Variants in DCLK1 observed in about 807,000 individuals in gnomAD.
DCLK1 encodes doublecortin like kinase 1.
A neutral mutation model predicts 86.2 loss-of-function variants in DCLK1; 16 were observed. The observed-to-expected ratio is 0.19, with a 90% confidence interval of 0.13 to 0.28. The LOEUF is 0.28. Among genes scored for constraint, DCLK1 ranks in the 10% least tolerant of loss-of-function variants. The probability of loss-of-function intolerance (pLI) is 1.00; values close to 1 mark genes in which losing one functional copy is unlikely to be tolerated. For missense variants in DCLK1, 590 were observed against 940.2 expected (o/e 0.63, Z 4.87); for synonymous variants, 369 against 370.5 (o/e 1.00, Z 0.05).
rs185868075 is a variant in DCLK1, at chr13:35,808,510, C to A, written c.1767-190G>T. On this transcript the variant is annotated intron_variant, in intron 13 of 16. Transcript: ENST00000360631. ...TAAGAAAGAGTTTTTGGGCCGGGTG[C>A]GGCGGCTCACACCTGTATTCCCAGC... 4.6e-5 allele frequency among the ~76,000 whole-genome samples: 7 copies of A among 152,286 alleles called. No homozygotes were observed. In the South Asian group the frequency reaches 1.2e-3, roughly 27 times the overall value.
chr13:35,937,804 T>C (rs1015285179), intron 4 of DCLK1, among the ~76,000 whole-genome samples: 4 of 152,082 alleles, frequency 2.6e-5, no homozygotes, highest in African/African-American at 9.7e-5. Flanking sequence ...AATGATCAGG[T>C]TGAAGAAGTG....
At chr13:35,956,017 C>T (rs545961428) in intron 3 of DCLK1, among the ~76,000 whole-genome samples, 1 of 152,284 alleles carries the variant, frequency 6.6e-6, no homozygotes, top group East Asian at 1.9e-4. Flanking sequence ...CACATCAGTC[C>T]TATTCCTCTG....
intron 7 of DCLK1, among the ~76,000 whole-genome samples, chr13:35,836,665 C>G (rs975956937): frequency 3.9e-5 from 6 of 152,192 alleles, no homozygotes; most frequent in Non-Finnish European, 2.9e-5. Context: ...GGCCACCCGT[C>G]CTCGGTATCA....
chr13:36,092,168 C>T (rs1401434477), intron 3 of DCLK1, among the ~76,000 whole-genome samples: 3 of 151,812 alleles, frequency 2.0e-5, no homozygotes, highest in Non-Finnish European at 2.9e-5. Context: ...TTTTTCTGAC[C>T]GGAAGACAAC....
intron 6 of DCLK1, chr13:35,849,208 G>T: frequency 7.1e-6 from 7 of 985,308 alleles, no homozygotes; most frequent in Non-Finnish European, 8.4e-6. Flanking sequence ...AAGTGAGATG[G>T]TAACATACGT....
At chr13:35,922,967 G>A (rs1021048504) in intron 4 of DCLK1, among the ~76,000 whole-genome samples, 3 of 152,134 alleles carry the variant, frequency 2.0e-5, no homozygotes, top group South Asian at 2.1e-4. Context: ...GCTGCCTCAT[G>A]GGAACGATGC....
intron 16 of DCLK1, among the ~76,000 whole-genome samples, chr13:35,782,685 T>C (rs2086549436): frequency 6.6e-6 from 1 of 152,218 alleles, no homozygotes. Context: ...GTTCAATCAT[T>C]TATTTGTTAA....
chr13:35,882,817 G>A (rs182096149), intron 4 of DCLK1, among the ~76,000 whole-genome samples: 22 of 152,316 alleles, frequency 1.4e-4, no homozygotes, highest in Admixed American at 1.4e-3. Context: ...GGATACTGTA[G>A]TGTATCAGTT....
intron 10 of DCLK1, among the ~76,000 whole-genome samples, chr13:35,826,523 CAAAAAAAAAAA>C (rs533243711): frequency 5.0e-5 from 1 of 19,824 alleles, no homozygotes; most frequent in African/African-American, 1.3e-4. Context: ...AACTCCATCT[CAAAAAAAAAAA>C]AAAAAAAAGA....
intron 11 of DCLK1, among the ~76,000 whole-genome samples, chr13:35,821,571 G>A (rs545348574): frequency 1.2e-4 from 18 of 151,930 alleles, no homozygotes; most frequent in South Asian, 2.1e-4. Flanking sequence ...CTGAAGAGAC[G>A]GGCAAAGTAA....
At chr13:35,863,417 A>G (rs530001030) in intron 5 of DCLK1, among the ~76,000 whole-genome samples, 2 of 152,178 alleles carry the variant, frequency 1.3e-5, no homozygotes, top group African/African-American at 4.8e-5. Context: ...CAAGCAGTTG[A>G]TGTAGGTTGC....
chr13:35,788,381 A>G, intron 16 of DCLK1: 2 of 1,128,342 alleles, frequency 1.8e-6, no homozygotes, highest in Non-Finnish European at 2.7e-6. Context: ...CTATATGTAT[A>G]TATAGTTACG....
At chr13:36,129,946 A>G (rs1886307023) in intron 1 of DCLK1, among the ~76,000 whole-genome samples, 1 of 152,122 alleles carries the variant, frequency 6.6e-6, no homozygotes, top group Non-Finnish European at 1.5e-5. Context: ...TCAGAAATTT[A>G]CACACATATA....
intron 5 of DCLK1, among the ~76,000 whole-genome samples, chr13:35,866,245 G>A (rs1001742106): frequency 2.0e-5 from 3 of 152,116 alleles, no homozygotes; most frequent in East Asian, 1.9e-4. Flanking sequence ...AATAAAAGCC[G>A]TATGTAAACT....
chr13:35,932,578 C>G (rs1226802374), intron 4 of DCLK1, among the ~76,000 whole-genome samples: 2 of 152,124 alleles, frequency 1.3e-5, no homozygotes, highest in African/African-American at 4.8e-5. Flanking sequence ...CAAGTAACGT[C>G]TTATATGGAT....
chr13:35,934,227 T>G (rs1267629303), intron 4 of DCLK1, among the ~76,000 whole-genome samples: 1 of 152,202 alleles, frequency 6.6e-6, no homozygotes, highest in Non-Finnish European at 1.5e-5. Context: ...TTTTCCTGTC[T>G]TCTGAGCTCT....
At chr13:35,788,108 G>T in intron 16 of DCLK1, 1 of 1,071,096 alleles carries the variant, frequency 9.3e-7, no homozygotes, top group Non-Finnish European at 1.5e-6. Flanking sequence ...ATATGGACTG[G>T]ATAACAAATC....
At chr13:35,996,181 G>A (rs1566637863) in intron 3 of DCLK1, among the ~76,000 whole-genome samples, 1 of 152,034 alleles carries the variant, frequency 6.6e-6, no homozygotes, top group Non-Finnish European at 1.5e-5. Context: ...TACCCGCCTC[G>A]GCCTCCCAAA....
intron 3 of DCLK1, among the ~76,000 whole-genome samples, chr13:36,045,326 GTGTGTGTATATATATATATATATA>G (rs1156933982): frequency 0.04 from 2,441 of 60,932 alleles, 88 homozygotes; most frequent in African/African-American, 0.11. Flanking sequence ...ATATGTGTGT[GTGTGTGTATATATATATATATATA>G]TATATATATA....
Sources: allele counts gnomAD v4.1 joint callset (sites outside exome capture counted in the v4.1 genomes callset), GRCh38; gene constraint gnomAD v4.1.1; transcripts MANE v1.5; gene names NCBI Gene and HGNC (gene_info 2026-07-23, HGNC 2026-07-21).